The following NRXN3 variants were observed in gnomAD, a reference collection of about 807,000 sequenced individuals.
NRXN3 encodes the protein neurexin 3.
In NRXN3, 32 loss-of-function variants were observed where a neutral mutation model predicts 137.6. That is an observed-to-expected ratio of 0.23 (90% CI 0.18 to 0.31). The LOEUF (loss-of-function observed/expected upper bound fraction) is 0.31, where lower values mean the gene tolerates loss of function less well. NRXN3 is among the 10% of genes least tolerant of loss of function. The pLI, the probability that NRXN3 is intolerant of heterozygous loss-of-function variation, is 1.00. For synonymous variants in NRXN3, 798 were observed against 784.5 expected, an observed-to-expected ratio of 1.02 and a Z score of -0.29; for missense variants, 1,574 against 2,062.5, an observed-to-expected ratio of 0.76 and a Z score of 4.59.
intron 16 of NRXN3, among the ~76,000 whole-genome samples, chr14:79,618,352 C>A (rs540286623): frequency 6.6e-6 from 1 of 152,078 alleles, no homozygotes; most frequent in African/African-American, 2.4e-5. Context: ...TTCCCTCCCC[C>A]TCTAGTAATC....
intron 16 of NRXN3, among the ~76,000 whole-genome samples, chr14:79,581,050 G>A (rs1489186594): frequency 6.6e-6 from 1 of 152,056 alleles, no homozygotes; most frequent in Non-Finnish European, 1.5e-5. Context: ...CCCTCTCCGT[G>A]GTCCTGTTAG....
At chr14:78,912,434 T>A (rs541225750) in intron 10 of NRXN3, among the ~76,000 whole-genome samples, 1 of 151,986 alleles carries the variant, frequency 6.6e-6, no homozygotes, top group South Asian at 2.1e-4. Context: ...AGACTATATG[T>A]CTCCATAGGC....
chr14:79,637,731 T>C (rs956450022), intron 16 of NRXN3, among the ~76,000 whole-genome samples: 2 of 130,268 alleles, frequency 1.5e-5, no homozygotes, highest in Non-Finnish European at 3.1e-5. Context: ...GAAAAGTTCT[T>C]TTTTTTTTTT....
At chr14:79,379,617 G>A (rs983490660) in intron 15 of NRXN3, among the ~76,000 whole-genome samples, 2 of 152,104 alleles carry the variant, frequency 1.3e-5, no homozygotes, top group African/African-American at 2.4e-5. Context: ...TAGCTTTATG[G>A]TGGGAGCTTC....
chr14:79,705,029 G>T (rs1410626689), intron 19 of NRXN3, among the ~76,000 whole-genome samples: 1 of 152,088 alleles, frequency 6.6e-6, no homozygotes, highest in African/African-American at 2.4e-5. Flanking sequence ...TCGATGAAAG[G>T]GTCCTGAGGG....
intron 1 of NRXN3, among the ~76,000 whole-genome samples, chr14:78,186,608 G>A (rs907819569): frequency 2.6e-5 from 4 of 152,224 alleles, no homozygotes; most frequent in African/African-American, 9.6e-5. Context: ...ATGCCTCAAA[G>A]TCAATAGGAC....
At chr14:79,115,577 C>A (rs774809567) in intron 15 of NRXN3, among the ~76,000 whole-genome samples, 5 of 152,108 alleles carry the variant, frequency 3.3e-5, no homozygotes, top group Non-Finnish European at 7.4e-5. Flanking sequence ...AGAAACTTTC[C>A]ATTCCATGTG....
At chr14:78,220,452 T>C (rs2063732585) in intron 1 of NRXN3, among the ~76,000 whole-genome samples, 1 of 151,946 alleles carries the variant, frequency 6.6e-6, no homozygotes, top group Non-Finnish European at 1.5e-5. Context: ...TCTGGTTTGG[T>C]ATTTTGGAAG....
At chr14:79,596,650 T>A (rs959152561) in intron 16 of NRXN3, among the ~76,000 whole-genome samples, 6 of 152,134 alleles carry the variant, frequency 3.9e-5, no homozygotes, top group Admixed American at 3.9e-4. Flanking sequence ...AGGCTTGGAA[T>A]GTTTCTGTGT....
At chr14:78,444,750 T>C (rs11159361) in intron 4 of NRXN3, among the ~76,000 whole-genome samples, 136,681 of 151,416 alleles carry the variant, frequency 0.9, 62,013 homozygotes, top group East Asian at 1. Flanking sequence ...TGAAACTGCG[T>C]CTCTACTAAA....
intron 10 of NRXN3, among the ~76,000 whole-genome samples, chr14:78,911,231 C>G (rs1372447228): frequency 6.6e-6 from 1 of 152,020 alleles, no homozygotes. Flanking sequence ...ACAATGAGGG[C>G]TGGTAATTGG....
chr14:78,735,799 G>T (rs1219800130), intron 8 of NRXN3, among the ~76,000 whole-genome samples: 1 of 152,102 alleles, frequency 6.6e-6, no homozygotes, highest in Non-Finnish European at 1.5e-5. Flanking sequence ...CAAATTCAGA[G>T]AAGTCTGTTA....
At chr14:79,593,869 G>T (rs939879078) in intron 16 of NRXN3, among the ~76,000 whole-genome samples, 4 of 152,116 alleles carry the variant, frequency 2.6e-5, no homozygotes, top group African/African-American at 7.2e-5. Context: ...AGCTCCACAG[G>T]TGATTGGGAT....
intron 16 of NRXN3, among the ~76,000 whole-genome samples, chr14:79,515,454 C>G (rs2096974003): frequency 6.6e-6 from 1 of 150,378 alleles, no homozygotes; most frequent in Non-Finnish European, 1.5e-5. Context: ...CCTGAAGAGG[C>G]TGGCAGCTCA....
chr14:79,076,184 TG>T (rs1262571403), intron 15 of NRXN3, among the ~76,000 whole-genome samples: 5 of 152,180 alleles, frequency 3.3e-5, no homozygotes, highest in African/African-American at 1.2e-4. Context: ...TCCCAGCTCT[TG>T]ATTCTCATTG....
At chr14:79,141,875 T>C (rs947630374) in intron 15 of NRXN3, among the ~76,000 whole-genome samples, 8 of 152,184 alleles carry the variant, frequency 5.3e-5, no homozygotes, top group Admixed American at 4.6e-4. Context: ...ATATATTCGG[T>C]ATATTCCATT....
At chr14:79,771,880 T>C (rs1462458795) in intron 19 of NRXN3, among the ~76,000 whole-genome samples, 21 of 123,312 alleles carry the variant, frequency 1.7e-4, no homozygotes, top group East Asian at 1.2e-3. Context: ...GAAAACCCCA[T>C]TGTCTCAGCC....
intron 15 of NRXN3, among the ~76,000 whole-genome samples, chr14:79,437,939 CAG>C (rs2095869823): frequency 2.0e-5 from 3 of 152,172 alleles, no homozygotes; most frequent in Non-Finnish European, 4.4e-5. Flanking sequence ...CCATCTGTAT[CAG>C]ATAATATTGG....
At chr14:78,429,567 T>C (rs1407823303) in intron 4 of NRXN3, among the ~76,000 whole-genome samples, 1 of 152,180 alleles carries the variant, frequency 6.6e-6, no homozygotes, top group African/African-American at 2.4e-5. Context: ...GTGCTTGGAA[T>C]AGATTTTACT....
Sources: gnomAD v4.1 joint callset for allele counts (sites outside exome capture counted in the v4.1 genomes callset) on GRCh38, gnomAD v4.1.1 for gene constraint, MANE v1.5 for transcripts, NCBI Gene and HGNC (gene_info 2026-07-23, HGNC 2026-07-21) for gene names.